Variants in KIAA1217 observed in about 807,000 individuals in gnomAD.
KIAA1217 encodes KIAA1217.
KIAA1217 carries 88 observed loss-of-function variants against 163.9 expected under a neutral mutation model. The ratio of observed to expected loss-of-function variants is 0.54; its 90% confidence interval spans 0.45 to 0.64. The LOEUF is 0.64. Ranked by LOEUF, KIAA1217 falls within the 30% of genes least tolerant of loss-of-function variation. The pLI is 0.00. For missense variants in KIAA1217, 2,372 were observed against 2,475.0 expected, an observed-to-expected ratio of 0.96 and a Z score of 0.88; for synonymous variants, 903 against 923.1, an observed-to-expected ratio of 0.98 and a Z score of 0.39.
At chr10:24,292,674 C>A (rs534148133) in intron 2 of KIAA1217, among the ~76,000 whole-genome samples, 1 of 152,170 alleles carries the variant, frequency 6.6e-6, no homozygotes, top group Admixed American at 6.5e-5. Flanking sequence ...AATGGAGAAA[C>A]CCATTGCTCT....
intron 1 of KIAA1217, among the ~76,000 whole-genome samples, chr10:23,832,611 CTT>C (rs1402354774): frequency 6.6e-6 from 1 of 152,076 alleles, no homozygotes; most frequent in Non-Finnish European, 1.5e-5. Context: ...TATCAGTTGT[CTT>C]GTTATTATGC....
intron 9 of KIAA1217, among the ~76,000 whole-genome samples, chr10:24,504,747 G>A (rs1485282527): frequency 1.3e-5 from 2 of 152,284 alleles, no homozygotes; most frequent in East Asian, 1.9e-4. Flanking sequence ...TTAAATCATT[G>A]GAAAATCCTA....
intron 1 of KIAA1217, among the ~76,000 whole-genome samples, chr10:23,928,511 T>C (rs1178604755): frequency 6.6e-6 from 1 of 152,188 alleles, no homozygotes; most frequent in Non-Finnish European, 1.5e-5. Context: ...AAGTAGTTAT[T>C]GAGCACCTAC....
At chr10:23,803,113 G>T (rs899425142) in intron 1 of KIAA1217, among the ~76,000 whole-genome samples, 1 of 152,146 alleles carries the variant, frequency 6.6e-6, no homozygotes, top group Non-Finnish European at 1.5e-5. Context: ...ACTTTTCCAT[G>T]TGGAAAAGCT....
At chr10:24,083,975 G>A (rs1348156791) in intron 2 of KIAA1217, among the ~76,000 whole-genome samples, 1 of 152,274 alleles carries the variant, frequency 6.6e-6, no homozygotes, top group East Asian at 1.9e-4. Context: ...GGCTTCAGGA[G>A]AGAAACCTAA....
intron 3 of KIAA1217, among the ~76,000 whole-genome samples, chr10:24,381,876 C>G (rs1306856547): frequency 6.6e-6 from 1 of 152,202 alleles, no homozygotes; most frequent in African/African-American, 2.4e-5. Flanking sequence ...TGGCTAACAT[C>G]TGCATGACTG....
At chr10:23,936,765 T>A (rs1843545928) in intron 1 of KIAA1217, among the ~76,000 whole-genome samples, 1 of 152,290 alleles carries the variant, frequency 6.6e-6, no homozygotes, top group Non-Finnish European at 1.5e-5. Flanking sequence ...TACATTTCTG[T>A]TGTTTCAGGC....
chr10:24,477,017 T>G (rs7089611), intron 6 of KIAA1217, among the ~76,000 whole-genome samples: 16,281 of 152,218 alleles, frequency 0.11, 1,054 homozygotes, highest in East Asian at 0.16. Flanking sequence ...CAAAAGAACT[T>G]GAGTCTGGAA....
chr10:24,177,128 G>A (rs144380626), intron 2 of KIAA1217, among the ~76,000 whole-genome samples: 65 of 151,618 alleles, frequency 4.3e-4, no homozygotes, highest in African/African-American at 1.6e-3. Flanking sequence ...GCCTTGGCCA[G>A]CCCAGAGAGG....
chr10:24,498,836 G>A (rs769307825), intron 8 of KIAA1217, among the ~76,000 whole-genome samples: 1 of 152,138 alleles, frequency 6.6e-6, no homozygotes, highest in Non-Finnish European at 1.5e-5. Context: ...CGCTGTGAAA[G>A]TTATCTTCTT....
intron 2 of KIAA1217, among the ~76,000 whole-genome samples, chr10:24,246,101 C>A (rs1365888897): frequency 6.6e-6 from 1 of 152,126 alleles, no homozygotes; most frequent in East Asian, 1.9e-4. Flanking sequence ...TTATTTGCAT[C>A]CTTTTTTATG....
At chr10:23,873,221 TTAAA>T (rs750820305) in intron 1 of KIAA1217, among the ~76,000 whole-genome samples, 1 of 152,052 alleles carries the variant, frequency 6.6e-6, no homozygotes, top group Non-Finnish European at 1.5e-5. Flanking sequence ...ATCACAACTC[TTAAA>T]TAAGAACATT....
intron 6 of KIAA1217, among the ~76,000 whole-genome samples, chr10:24,493,759 A>T (rs759607875): frequency 2.0e-5 from 3 of 152,132 alleles, no homozygotes; most frequent in Non-Finnish European, 4.4e-5. Flanking sequence ...TCTACCTTCA[A>T]ATAAATGGGT....
intron 3 of KIAA1217, among the ~76,000 whole-genome samples, chr10:24,384,308 G>A (rs976767530): frequency 2.6e-5 from 4 of 151,900 alleles, no homozygotes; most frequent in African/African-American, 9.7e-5. Context: ...TTATTTTTTA[G>A]GAGCAATTTT....
At chr10:23,855,866 C>A (rs1839630821) in intron 1 of KIAA1217, among the ~76,000 whole-genome samples, 1 of 152,170 alleles carries the variant, frequency 6.6e-6, no homozygotes. Flanking sequence ...GCTCCATCAG[C>A]TCCTTTAAGC....
intron 2 of KIAA1217, among the ~76,000 whole-genome samples, chr10:24,013,450 A>G (rs980341033): frequency 6.6e-6 from 1 of 152,130 alleles, no homozygotes; most frequent in Non-Finnish European, 1.5e-5. Flanking sequence ...ACAAAAGCCA[A>G]AGGCTTATAG....
At chr10:24,480,875 G>T (rs2064593640) in intron 6 of KIAA1217, among the ~76,000 whole-genome samples, 1 of 152,190 alleles carries the variant, frequency 6.6e-6, no homozygotes, top group Non-Finnish European at 1.5e-5. Context: ...TATCAAAACT[G>T]CTTCGAAGTT....
In KIAA1217 at chr10:24,324,962, C is replaced by A. The variant is rs149402737; in HGVS notation, c.355-55907C>A. 7.2e-4 allele frequency among the ~76,000 whole-genome samples: 109 copies of A among 152,226 alleles called. No homozygotes were observed. The East Asian group carries it at 0.019, about 27-fold the overall frequency. On this transcript the variant is annotated intron_variant, in intron 2 of 20. Transcript: ENST00000376454. ...GCCCATGAACTTGACCCCTTAGATA[C>A]TGGCAGTGAAGAGCTTGAGTTAAAA...
intron 1 of KIAA1217, among the ~76,000 whole-genome samples, chr10:24,002,524 C>G (rs1284658120): frequency 1.3e-5 from 2 of 152,216 alleles, no homozygotes; most frequent in Non-Finnish European, 2.9e-5. Context: ...GCGGGGACCT[C>G]TGCTCCATCC....
Sources: allele counts gnomAD v4.1 joint callset (sites outside exome capture counted in the v4.1 genomes callset), GRCh38; gene constraint gnomAD v4.1.1; transcripts MANE v1.5; gene names NCBI Gene and HGNC (gene_info 2026-07-23, HGNC 2026-07-21).